The following ITPR2 variants were observed in gnomAD, a reference collection of about 807,000 sequenced individuals.
The protein encoded by ITPR2 is inositol 1,4,5-trisphosphate-gated calcium channel ITPR2.
Under a neutral mutation model 317.1 loss-of-function variants are expected in ITPR2, and 207 were observed. The observed-to-expected ratio is 0.65, with a 90% CI of 0.58 to 0.73. ITPR2 has a LOEUF of 0.73. Ranked by LOEUF, ITPR2 falls within the 30% of genes least tolerant of loss-of-function variation. ITPR2 has a pLI of 0.00. For missense variants in ITPR2, 2,613 were observed against 3,284.0 expected (o/e 0.80, Z 4.99); for synonymous variants, 1,156 against 1,149.1 (o/e 1.01, Z -0.12).
chr12:26,600,993 T>A (rs1381611575), intron 28 of ITPR2, among the ~76,000 whole-genome samples: 2 of 152,120 alleles, frequency 1.3e-5, no homozygotes, highest in Non-Finnish European at 2.9e-5. Flanking sequence ...ACACTCTTAA[T>A]AGTGAATATC....
chr12:26,631,743 A>C, intron 22 of ITPR2, 123 bp downstream of exon 22: 1 of 820,716 alleles, frequency 1.2e-6, no homozygotes, highest in Non-Finnish European at 1.9e-6. Flanking sequence ...TAACTTAAAA[A>C]AATAAAATTA....
At chr12:26,617,989 G>C (rs1946408907) in intron 26 of ITPR2, among the ~76,000 whole-genome samples, 1 of 152,080 alleles carries the variant, frequency 6.6e-6, no homozygotes, top group South Asian at 2.1e-4. Flanking sequence ...TAGGTGAACA[G>C]ATTAAATAAA....
chr12:26,710,785 C>G (rs1175277456), intron 9 of ITPR2, among the ~76,000 whole-genome samples: 3 of 152,210 alleles, frequency 2.0e-5, no homozygotes, highest in Non-Finnish European at 4.4e-5. Flanking sequence ...GAGGCCACTG[C>G]AGATGAACCC....
chr12:26,383,431 G>C (rs1381614513), intron 55 of ITPR2, among the ~76,000 whole-genome samples: 1 of 151,974 alleles, frequency 6.6e-6, no homozygotes, highest in Non-Finnish European at 1.5e-5. Flanking sequence ...AAAATATACA[G>C]AGGGAGGAAC....
chr12:26,811,189 A>G (rs899094038), intron 1 of ITPR2, among the ~76,000 whole-genome samples: 11 of 152,214 alleles, frequency 7.2e-5, no homozygotes, highest in African/African-American at 1.9e-4. Flanking sequence ...ACTTATTTCT[A>G]TTTTCCAAAT....
intron 37 of ITPR2, among the ~76,000 whole-genome samples, chr12:26,508,147 C>G (rs960032042): frequency 1.4e-4 from 21 of 152,126 alleles, no homozygotes; most frequent in African/African-American, 5.1e-4. Flanking sequence ...AATTACAGGT[C>G]ACTTTAAAAT....
intron 5 of ITPR2, among the ~76,000 whole-genome samples, chr12:26,718,494 C>G (rs1295533568): frequency 6.7e-6 from 1 of 148,610 alleles, no homozygotes; most frequent in African/African-American, 2.6e-5. Context: ...CAAAATACCA[C>G]CCATAAAACT....
At chr12:26,418,806 G>T (rs1033566087) in intron 50 of ITPR2, among the ~76,000 whole-genome samples, 1 of 152,160 alleles carries the variant, frequency 6.6e-6, no homozygotes, top group African/African-American at 2.4e-5. Flanking sequence ...CCTGGGTCAA[G>T]AGGTGGGGTG....
intron 2 of ITPR2, among the ~76,000 whole-genome samples, chr12:26,729,595 C>T (rs1011076956): frequency 2.0e-5 from 3 of 152,216 alleles, no homozygotes; most frequent in East Asian, 3.9e-4. Flanking sequence ...AAACATGGTA[C>T]ATATACACCA....
At chr12:26,660,359 C>T (rs1947469694) in intron 15 of ITPR2, among the ~76,000 whole-genome samples, 1 of 152,282 alleles carries the variant, frequency 6.6e-6, no homozygotes, top group East Asian at 1.9e-4. Flanking sequence ...TATCCCAAAC[C>T]ACTATTGTTC....
intron 37 of ITPR2, among the ~76,000 whole-genome samples, chr12:26,497,396 C>T (rs899963463): frequency 5.3e-5 from 8 of 152,148 alleles, no homozygotes; most frequent in Non-Finnish European, 1.2e-4. Flanking sequence ...CCTCCTGATC[C>T]GCCTGCCTCG....
At chr12:26,445,895 T>C (rs1010316141) in intron 45 of ITPR2, among the ~76,000 whole-genome samples, 1 of 152,038 alleles carries the variant, frequency 6.6e-6, no homozygotes, top group East Asian at 1.9e-4. Context: ...TAGTGTTTGT[T>C]TGGTTTTGAA....
chr12:26,406,603 C>T (rs1301563189), intron 52 of ITPR2: 1 of 151,938 alleles, frequency 6.6e-6, no homozygotes, highest in Non-Finnish European at 1.5e-5. Context: ...TATGTCTGTA[C>T]CTTTTGTAAC....
intron 37 of ITPR2, among the ~76,000 whole-genome samples, chr12:26,547,653 A>C (rs75119856): frequency 0.096 from 14,646 of 152,300 alleles, 950 homozygotes; most frequent in African/African-American, 0.18. Flanking sequence ...ATCAACCCAA[A>C]TGTCCCTTGA....
rs944554689 is a variant in ITPR2 at position 26,511,505 on chromosome 12, G to A, written c.5074-16245C>T. ...TGTTCATCAGTGCCTTTCCAGGGCTGAGCAGACATTCAATAACTTTTTTTG... is the reference window on the plus strand; with the variant it reads ...TGTTCATCAGTGCCTTTCCAGGGCTAAGCAGACATTCAATAACTTTTTTTG... On this transcript the variant is annotated intron_variant, in intron 37 of 56. Coordinates refer to ENST00000381340, the MANE Select transcript of ITPR2 (RefSeq NM_002223.4). 1.4e-4 allele frequency among the ~76,000 whole-genome samples: 22 copies of A among 152,302 alleles called. No homozygotes were observed. In the East Asian group the frequency reaches 3.9e-3, roughly 27 times the overall value.
Position 26,497,155 on chromosome 12 carries a change from C to CTCTTTTTT in ITPR2, c.5074-1896_5074-1895insAAAAAAGA, listed in dbSNP as rs756035869. ...TTGAACCATGTGATCATTTCTCTCTCTTTTTTTTTTTTTTTTGAGACGGAG... is the reference window on the plus strand; with the variant it reads ...TTGAACCATGTGATCATTTCTCTCTCTCTTTTTTTTTTTTTTTTTTTTTTGAGACGGAG... On this transcript the variant is annotated intron_variant, in intron 37 of 56. Transcript: ENST00000381340. Among the ~76,000 whole-genome samples the CTCTTTTTT allele has an allele frequency of 6.5e-3, 878 of 134,384 alleles. 20 individuals are homozygous for CTCTTTTTT. The highest frequency in any genetic ancestry group is 0.024 in the African/African-American group (842 of 34,968). 88.2% of individuals were successfully genotyped at this position (134,384 alleles called of 152,430 possible). A position where few individuals can be genotyped will look rare whatever the true frequency, so the allele number is the denominator to read the frequency against.
At chr12:26,404,390 A>G (rs556893370) in intron 52 of ITPR2, among the ~76,000 whole-genome samples, 1 of 152,336 alleles carries the variant, frequency 6.6e-6, no homozygotes, top group South Asian at 2.1e-4. Flanking sequence ...ATGAGAAGAC[A>G]ATAAAACATT....
chr12:26,832,998 C>G lies in ITPR2; in HGVS notation c.-217G>C, dbSNP rs1174992382. The G allele has an allele frequency of 5.9e-6, 3 of 510,840 alleles. No homozygotes were observed. The highest frequency in any genetic ancestry group is 1.0e-5 in the Non-Finnish European group (3 of 294,898). The allele number at this position is 510,840 out of a possible 1,614,324, so 31.6% of individuals were successfully genotyped here. A position where few individuals can be genotyped will look rare whatever the true frequency, so the allele number is the denominator to read the frequency against. ...GGGCCAAGCCGCAGCTGCGGACACCCCGCGAAGAGCGCAGCCCAGGCGCCC... is the reference window on the plus strand; with the variant it reads ...GGGCCAAGCCGCAGCTGCGGACACCGCGCGAAGAGCGCAGCCCAGGCGCCC... On this transcript the variant is annotated 5_prime_UTR_variant, in exon 1 of 57. Transcript: ENST00000381340.
chr12:26,715,617 A>T, intron 7 of ITPR2, 135 bp downstream of exon 7: 1 of 768,852 alleles, frequency 1.3e-6, no homozygotes, highest in Non-Finnish European at 2.1e-6. Context: ...TCAGTAAAAC[A>T]CTTAGAGTAA....
Sources: gnomAD v4.1 joint callset for allele counts (sites outside exome capture counted in the v4.1 genomes callset) on GRCh38, gnomAD v4.1.1 for gene constraint, MANE v1.5 for transcripts, NCBI Gene and HGNC (gene_info 2026-07-23, HGNC 2026-07-21) for gene names.